VAT1L: variants seen among roughly 807,000 people sequenced by gnomAD.
VAT1L encodes putative NADPH-dependent quinone oxidoreductase VAT1L.
A neutral mutation model predicts 44.1 loss-of-function variants in VAT1L; 34 were observed. That is an observed-to-expected ratio of 0.77 (90% CI 0.59 to 1.03). The LOEUF is 1.03. Ranked by LOEUF, VAT1L falls within the 50% of genes least tolerant of loss-of-function variation. VAT1L has a pLI of 0.00. For missense variants in VAT1L, 615 were observed against 538.8 expected (o/e 1.14, Z -1.40); for synonymous variants, 253 against 202.2 (o/e 1.25, Z -2.13).
At chr16:77,940,138 T>C (rs2017861445) in intron 7 of VAT1L, among the ~76,000 whole-genome samples, 1 of 152,170 alleles carries the variant, frequency 6.6e-6, no homozygotes. Flanking sequence ...TGGCCAGTGA[T>C]ACGCTAGTGA....
chr16:77,958,614 T>C (rs901441454), intron 7 of VAT1L, among the ~76,000 whole-genome samples: 1 of 152,122 alleles, frequency 6.6e-6, no homozygotes, highest in Non-Finnish European at 1.5e-5. Context: ...CAAAACACAA[T>C]AAGACAAGAA....
rs78558043 is a variant in VAT1L at position 77,851,692 on chromosome 16, T to C, written c.580-11056T>C. 3.5e-3 allele frequency among the ~76,000 whole-genome samples: 540 copies of C among 152,132 alleles called. 6 individuals are homozygous for C. Among genetic ancestry groups the C allele is most frequent in the African/African-American group, 0.012 (519 of 41,522 alleles). On this transcript the variant is annotated intron_variant, in intron 3 of 8. Coordinates refer to ENST00000302536, the MANE Select transcript of VAT1L (RefSeq NM_020927.3). ...AAGAGAGAGAGAGAGCAGGGCCCTA[T>C]AATCTACCGAGCATCCACTATGCTT...
At position 77,795,686 on chromosome 16, in the gene VAT1L, G is replaced by A. The variant is rs186557019; in HGVS notation, c.233+6771G>A. On this transcript the variant is annotated intron_variant, in intron 1 of 8. Coordinates refer to ENST00000302536, the MANE Select transcript of VAT1L (RefSeq NM_020927.3). ...GCATTAGTAGGGAATCAGCGCAGAC[G>A]GGGAGGAAGCTGCCTATCCTTTGGA... is the stretch of plus-strand genomic sequence containing the variant. Among the ~76,000 whole-genome samples, 483 of 152,284 alleles carry A rather than the reference G, an allele frequency of 3.2e-3. 1 individual carries two copies. Among genetic ancestry groups the A allele is most frequent in the South Asian group, 5.0e-3 (24 of 4,826 alleles).
chr16:77,965,289 T>C (rs2018211231), intron 7 of VAT1L, among the ~76,000 whole-genome samples: 1 of 152,080 alleles, frequency 6.6e-6, no homozygotes, highest in Admixed American at 6.5e-5. Flanking sequence ...TCACATAAGA[T>C]GAGATGCAGA....
At position 77,918,882 on chromosome 16, in the gene VAT1L, A is replaced by G. The variant is rs1403634532; in HGVS notation, c.1077+34080A>G. 2.6e-5 allele frequency among the ~76,000 whole-genome samples: 4 copies of G among 152,218 alleles called. No homozygotes were observed. The East Asian group carries it at 7.7e-4, about 29-fold the overall frequency. Reference sequence around the variant, plus strand: ...ATAGGCTCCCAGTAAATGTTTGTTCAGTAGAATAAGTTCTCTCTCTCCTGA... The same window carrying G: ...ATAGGCTCCCAGTAAATGTTTGTTCGGTAGAATAAGTTCTCTCTCTCCTGA... On this transcript the variant is annotated intron_variant, in intron 7 of 8. Transcript: ENST00000302536.
intron 7 of VAT1L, chr16:77,892,753 GT>G: frequency 1.3e-6 from 1 of 760,196 alleles, no homozygotes. Context: ...ATGGTTTCTA[GT>G]TTTTCATCTG....
At chr16:77,923,851 G>A (rs2017638173) in intron 7 of VAT1L, among the ~76,000 whole-genome samples, 1 of 152,148 alleles carries the variant, frequency 6.6e-6, no homozygotes, top group Non-Finnish European at 1.5e-5. Flanking sequence ...GCTCATATGA[G>A]CTTAGCAGCC....
Position 77,884,662 on chromosome 16 carries a change from A to C in VAT1L, c.937A>C (p.Ile313Leu). 1 of 1,613,570 alleles carries C rather than the reference A, an allele frequency of 6.2e-7. No individual in the cohort carries two copies. The highest frequency in any genetic ancestry group is 8.5e-7 in the Non-Finnish European group (1 of 1,179,822). The change falls in exon 7 of 9, where the codon ATC becomes CTC. Residue 313 changes from isoleucine (I) to leucine (L), a missense_variant. By Grantham distance (5) the Ile-to-Leu change is conservative. Coordinates refer to ENST00000302536, the MANE Select transcript of VAT1L (RefSeq NM_020927.3). This position sits in a 1 kb window ranked among gnomAD's most constrained non-coding sequence, Gnocchi z 4.5. ...PIKLYEENKVIAGFSLLNLLF... is the reference protein window; with the variant it reads ...PIKLYEENKVLAGFSLLNLLF... ...CAAGCTGTATGAGGAGAACAAAGTCATCGCGGGGTTTTCCCTTTTAAATCT... is the reference window on the plus strand; with the variant it reads ...CAAGCTGTATGAGGAGAACAAAGTCCTCGCGGGGTTTTCCCTTTTAAATCT...
In VAT1L at chr16:77,905,900, C is replaced by T. The variant is rs141149226; in HGVS notation, c.1077+21098C>T. ...CGTTCTGTCAGATCTAGGAGGTTTACGCTTATATTTACTCCAGACTTAATT... is the reference window on the plus strand; with the variant it reads ...CGTTCTGTCAGATCTAGGAGGTTTATGCTTATATTTACTCCAGACTTAATT... On this transcript the variant is annotated intron_variant, in intron 7 of 8. Transcript: ENST00000302536. Among the ~76,000 whole-genome samples, 1,049 of 152,298 alleles carry T rather than the reference C, an allele frequency of 6.9e-3. 7 individuals carry two copies. The highest frequency in any genetic ancestry group is 0.011 in the Non-Finnish European group (741 of 68,030).
chr16:77,883,598 C>A (rs1019124729), intron 6 of VAT1L, among the ~76,000 whole-genome samples: 1 of 152,150 alleles, frequency 6.6e-6, no homozygotes, highest in Non-Finnish European at 1.5e-5. Flanking sequence ...ACCCACTAGA[C>A]GCCAGTAGCA....
chr16:77,803,536 C>T (rs1822415933), intron 1 of VAT1L, among the ~76,000 whole-genome samples: 1 of 150,708 alleles, frequency 6.6e-6, no homozygotes, highest in Non-Finnish European at 1.5e-5. Flanking sequence ...TCTCCTGCCT[C>T]AGTCTCCAGA....
Position 77,884,778 on chromosome 16 carries a change from G to A in VAT1L, c.1053G>A (p.Val351=), listed in dbSNP as rs1368608197. 2 of 1,554,224 alleles carry A rather than the reference G, an allele frequency of 1.3e-6. No homozygotes were observed. The highest frequency in any genetic ancestry group is 1.9e-5 in the Admixed American group (1 of 51,950). ...LYNQKKIKPV[V]DSLWALEEVK... ...ACCAGAAGAAGATCAAGCCTGTGGTGGACTCCTTGTGGGCTCTGGAGGAGG... is the reference window on the plus strand; with the variant it reads ...ACCAGAAGAAGATCAAGCCTGTGGTAGACTCCTTGTGGGCTCTGGAGGAGG... The change falls in exon 7 of 9, where the codon GTG becomes GTA. Residue 351 remains valine, a synonymous_variant. Transcript: ENST00000302536. This position sits in a 1 kb window ranked among gnomAD's most constrained non-coding sequence, Gnocchi z 4.5.
intron 7 of VAT1L, among the ~76,000 whole-genome samples, chr16:77,909,260 T>C (rs773751584): frequency 6.6e-6 from 1 of 152,210 alleles, no homozygotes; most frequent in African/African-American, 2.4e-5. Context: ...AATTAGGTGA[T>C]GATATTCTGT....
intron 4 of VAT1L, among the ~76,000 whole-genome samples, chr16:77,869,923 C>G (rs749160036): frequency 6.6e-6 from 1 of 152,102 alleles, no homozygotes. Context: ...GAGATCAGAC[C>G]GAACTCCTGC....
chr16:77,956,525 T>A (rs892572262), intron 7 of VAT1L, among the ~76,000 whole-genome samples: 1 of 152,228 alleles, frequency 6.6e-6, no homozygotes, highest in Non-Finnish European at 1.5e-5. Context: ...CACCACCCCA[T>A]AGATTTACCA....
chr16:77,831,948 T>A (rs2016583620), intron 3 of VAT1L, among the ~76,000 whole-genome samples: 1 of 151,210 alleles, frequency 6.6e-6, no homozygotes, highest in East Asian at 2.0e-4. Context: ...CCCAAGTAGC[T>A]GGGACTACAG....
intron 4 of VAT1L, among the ~76,000 whole-genome samples, chr16:77,867,176 T>C (rs967708452): frequency 6.6e-6 from 1 of 152,178 alleles, no homozygotes; most frequent in Non-Finnish European, 1.5e-5. Flanking sequence ...TGTGTGAGTC[T>C]GTCAGCTTTC....
chr16:77,930,479 C>T (rs946234304), intron 7 of VAT1L, among the ~76,000 whole-genome samples: 4 of 152,062 alleles, frequency 2.6e-5, no homozygotes, highest in African/African-American at 4.8e-5. Flanking sequence ...AAGACTGGTA[C>T]GGAAGGAGGT....
intron 7 of VAT1L, among the ~76,000 whole-genome samples, chr16:77,962,917 G>T (rs903448203): frequency 6.6e-6 from 1 of 152,156 alleles, no homozygotes; most frequent in East Asian, 1.9e-4. Context: ...CTGCACTCCA[G>T]CCGGGACAAT....
Sources: gnomAD v4.1 joint callset for allele counts (sites outside exome capture counted in the v4.1 genomes callset) on GRCh38, gnomAD v4.1.1 for gene constraint, Gnocchi (gnomAD v3.1) non-coding constraint, MANE v1.5 for transcripts, NCBI Gene and HGNC (gene_info 2026-07-23, HGNC 2026-07-21) for gene names.